WHR1: variants seen among roughly 807,000 people sequenced by gnomAD.
The protein encoded by WHR1 is MHC class III HLA-RP1.
chr6:31,978,754 CTTGA>C, the WHR1 span: 2 of 653,888 alleles, frequency 3.1e-6, no homozygotes, highest in African/African-American at 1.8e-5. Flanking sequence ...TGGTCATTTG[CTTGA>C]TTATTTTCTC....
At chr6:31,971,703 A>T in the WHR1 span, 1 of 1,581,128 alleles carries the variant, frequency 6.3e-7, no homozygotes, top group Non-Finnish European at 8.6e-7. The surrounding 1 kb of genome is among the most constrained non-coding windows in gnomAD (Gnocchi z 4.5). Flanking sequence ...AGGGGTACAG[A>T]GTTTCCATTC....
At chr6:31,975,641 A>ATT in the WHR1 span, among the ~76,000 whole-genome samples, 29 of 124,878 alleles carry the variant, frequency 2.3e-4, no homozygotes, top group Admixed American at 4.8e-4. Flanking sequence ...TAATTCCACT[A>ATT]TTTTTTTTTT....
chr6:31,972,114 A>G, the WHR1 span: 7 of 1,612,934 alleles, frequency 4.3e-6, no homozygotes, highest in Non-Finnish European at 5.9e-6. This position sits in a 1 kb window ranked among gnomAD's most constrained non-coding sequence, Gnocchi z 6.3. Context: ...CAACGTGGCC[A>G]CCGGCGCCCC....
the WHR1 span, chr6:31,979,722 A>G: frequency 1.2e-6 from 1 of 828,994 alleles, no homozygotes; most frequent in Non-Finnish European, 1.8e-6. Context: ...TCCCCACAAG[A>G]GAGGAGGCCT....
At chr6:31,979,510 G>A in the WHR1 span, 2 of 1,612,908 alleles carry the variant, frequency 1.2e-6, no homozygotes, top group Non-Finnish European at 1.7e-6. Context: ...TTTCCAGCAG[G>A]ACCAAATGAC....
the WHR1 span, chr6:31,972,490 G>A: frequency 6.2e-7 from 1 of 1,612,292 alleles, no homozygotes; most frequent in East Asian, 2.2e-5. The surrounding 1 kb of genome is among the most constrained non-coding windows in gnomAD (Gnocchi z 6.3). Flanking sequence ...TGTGGAGTCG[G>A]ATCCTCTTCG....
the WHR1 span, chr6:31,971,360 G>A: frequency 6.4e-7 from 1 of 1,559,900 alleles, no homozygotes; most frequent in Non-Finnish European, 8.7e-7. The surrounding 1 kb of genome is among the most constrained non-coding windows in gnomAD (Gnocchi z 4.5). Flanking sequence ...CAGCACAGCA[G>A]GTGGTCCAGC....
chr6:31,978,787 TA>T, the WHR1 span: 2 of 849,110 alleles, frequency 2.4e-6, no homozygotes, highest in Non-Finnish European at 3.6e-6. Context: ...TTTCCTTTAC[TA>T]AGAGAAAATG....
chr6:31,978,843 A>C, the WHR1 span: 4 of 1,527,434 alleles, frequency 2.6e-6, no homozygotes, highest in Admixed American at 3.4e-5. Context: ...GAGCGCCCAG[A>C]GTATAGCAGA....
At chr6:31,972,404 C>T in the WHR1 span, 2 of 1,613,100 alleles carry the variant, frequency 1.2e-6, no homozygotes, top group Middle Eastern at 1.6e-4. The surrounding 1 kb of genome is among the most constrained non-coding windows in gnomAD (Gnocchi z 6.3). Context: ...ACCATAAAAT[C>T]CCGGGATATG....
the WHR1 span, among the ~76,000 whole-genome samples, chr6:31,976,571 G>A: frequency 5.3e-5 from 8 of 151,886 alleles, no homozygotes; most frequent in Non-Finnish European, 1.0e-4. Context: ...TGGGCAGCCA[G>A]GCAGAGGGGC....
At chr6:31,972,635 G>T in the WHR1 span, 1 of 1,609,004 alleles carries the variant, frequency 6.2e-7, no homozygotes, top group Non-Finnish European at 8.5e-7. This position sits in a 1 kb window ranked among gnomAD's most constrained non-coding sequence, Gnocchi z 6.3. Flanking sequence ...GGCGCGCGCG[G>T]CTGTCTCAGA....
At chr6:31,973,203 C>A in the WHR1 span, 1 of 369,700 alleles carries the variant, frequency 2.7e-6, no homozygotes, top group Non-Finnish European at 5.3e-6. Flanking sequence ...TAGGTCAGTG[C>A]AGTAGGGAGG....
At chr6:31,980,605 C>T in the WHR1 span, 47 of 1,594,898 alleles carry the variant, frequency 2.9e-5, no homozygotes, top group Non-Finnish European at 3.8e-5. Context: ...CTCCTCAGGC[C>T]TCTAGGCCTT....
At chr6:31,972,392 G>A in the WHR1 span, 1 of 1,612,876 alleles carries the variant, frequency 6.2e-7, no homozygotes, top group African/African-American at 1.3e-5. This position sits in a 1 kb window ranked among gnomAD's most constrained non-coding sequence, Gnocchi z 6.3. Context: ...CCCTTCCCCG[G>A]TACCATAAAA....
chr6:31,972,676 T>G, the WHR1 span: 70 of 1,613,704 alleles, frequency 4.3e-5, no homozygotes, highest in Non-Finnish European at 5.8e-5. This position sits in a 1 kb window ranked among gnomAD's most constrained non-coding sequence, Gnocchi z 6.3. Context: ...GAGGCCTGTT[T>G]GAGGACGCGC....
chr6:31,972,285 G>A, the WHR1 span: 11 of 1,613,116 alleles, frequency 6.8e-6, 1 homozygote, highest in South Asian at 1.2e-4. This position sits in a 1 kb window ranked among gnomAD's most constrained non-coding sequence, Gnocchi z 6.3. Context: ...CGCTCCTTTC[G>A]TCATCACCTG....
the WHR1 span, chr6:31,972,190 G>C: frequency 6.2e-7 from 1 of 1,611,750 alleles, no homozygotes; most frequent in Admixed American, 1.7e-5. This position sits in a 1 kb window ranked among gnomAD's most constrained non-coding sequence, Gnocchi z 6.3. Context: ...GGCCGGCGTG[G>C]GGCCCGGCCT....
the WHR1 span, among the ~76,000 whole-genome samples, chr6:31,976,327 C>T: frequency 3.3e-5 from 5 of 150,840 alleles, no homozygotes; most frequent in Non-Finnish European, 7.4e-5. Context: ...ACTTCTCAGA[C>T]GGGGCGGCTG....
Sources: gnomAD v4.1 joint callset for allele counts (sites outside exome capture counted in the v4.1 genomes callset) on GRCh38, gnomAD v4.1.1 for gene constraint, Gnocchi (gnomAD v3.1) non-coding constraint, MANE v1.5 for transcripts, NCBI Gene and HGNC (gene_info 2026-07-23, HGNC 2026-07-21) for gene names.